Variants in SGSM1 observed in about 807,000 individuals in gnomAD.
The protein encoded by SGSM1 is RUN and TBC1 domain containing 2.
Under a neutral mutation model 133.8 loss-of-function variants are expected in SGSM1, and 73 were observed. The observed-to-expected ratio is 0.55, with a 90% confidence interval of 0.45 to 0.66. The LOEUF is 0.66. Among genes scored for constraint, SGSM1 ranks in the 30% least tolerant of loss-of-function variants. The pLI is 0.00. For synonymous variants in SGSM1, 563 were observed against 573.0 expected (o/e 0.98, Z 0.25); for missense variants, 1,213 against 1,448.1 (o/e 0.84, Z 2.64).
At chr22:24,881,600 C>CAAAAAAAAA (rs1425127231) in intron 14 of SGSM1, among the ~76,000 whole-genome samples, 19 of 150,534 alleles carry the variant, frequency 1.3e-4, no homozygotes, top group South Asian at 1.0e-3. Flanking sequence ...ACAAAAAAAA[C>CAAAAAAAAA]CAGCAACAAC....
At position 24,888,043 on chromosome 22, in the gene SGSM1, G is replaced by A. The variant is rs370182263; in HGVS notation, c.1770+1315G>A. ...CTTTTGTCCACCTTCTAATTGGATT[G>A]TTTGGTTTTTTTTCCTGTGGAGTTG... On this transcript the variant is annotated intron_variant, in intron 16 of 24. Coordinates refer to ENST00000400358, the MANE Select transcript of SGSM1 (RefSeq NM_001098497.3). Among the ~76,000 whole-genome samples, 255 of 152,196 alleles carry A rather than the reference G, an allele frequency of 1.7e-3. 1 individual carries two copies. Among genetic ancestry groups the A allele is most frequent in the African/African-American group, 6.1e-3 (253 of 41,532 alleles).
chr22:24,894,978 C>CTCTA (rs1355308693), intron 17 of SGSM1, among the ~76,000 whole-genome samples: 1 of 152,164 alleles, frequency 6.6e-6, no homozygotes, highest in Non-Finnish European at 1.5e-5. Flanking sequence ...AGGTGGGGTG[C>CTCTA]TCTAGTTGCA....
At position 24,900,340 on chromosome 22, in the gene SGSM1, C is replaced by CTTCTTTCTTTCTTTCTTTCT. The variant is rs201367603; in HGVS notation, c.2611-1444_2611-1425dup. On this transcript the variant is annotated intron_variant, in intron 19 of 24. Coordinates refer to ENST00000400358, the MANE Select transcript of SGSM1 (RefSeq NM_001098497.3). Reference sequence around the variant, plus strand: ...CAGCTTTTGTTCTTATTGTTAACCTCTTCTTTCTTTCTTTCTTTCTTTCTT... The same window carrying CTTCTTTCTTTCTTTCTTTCT: ...CAGCTTTTGTTCTTATTGTTAACCTCTTCTTTCTTTCTTTCTTTCTTTCTTTCTTTCTTTCTTTCTTTCTT... Among the ~76,000 whole-genome samples, 316 of 126,090 alleles carry CTTCTTTCTTTCTTTCTTTCT rather than the reference C, an allele frequency of 2.5e-3. 4 individuals carry two copies. Among genetic ancestry groups the CTTCTTTCTTTCTTTCTTTCT allele is most frequent in the African/African-American group, 4.3e-3 (126 of 29,544 alleles). 82.7% of individuals were successfully genotyped at this position (126,090 alleles called of 152,430 possible). A position where few individuals can be genotyped will look rare whatever the true frequency, so the allele number is the denominator to read the frequency against.
At chr22:24,906,447 A>G (rs1307882003) in intron 21 of SGSM1, among the ~76,000 whole-genome samples, 2 of 152,226 alleles carry the variant, frequency 1.3e-5, no homozygotes, top group Non-Finnish European at 2.9e-5. Flanking sequence ...AAGTAAAACT[A>G]TCTTTGTTCA....
chr22:24,848,881 G>A lies in SGSM1; in HGVS notation c.302+1085G>A, dbSNP rs541750136. ...CCTGCCTGCCCAGGGCTGCTGGCCA[G>A]AACGGTATGGTGGTCAGAGCTCAGG... On this transcript the variant is annotated intron_variant, in intron 4 of 24. Coordinates refer to ENST00000400358, the MANE Select transcript of SGSM1 (RefSeq NM_001098497.3). Among the ~76,000 whole-genome samples, 3 of 152,342 alleles carry A rather than the reference G, an allele frequency of 2.0e-5. No homozygotes were observed. In the South Asian group the frequency reaches 6.2e-4, roughly 32 times the overall value.
intron 2 of SGSM1, among the ~76,000 whole-genome samples, chr22:24,810,667 G>A (rs1331015774): frequency 6.6e-6 from 1 of 152,160 alleles, no homozygotes; most frequent in Non-Finnish European, 1.5e-5. Flanking sequence ...AGGGGCTGGT[G>A]GGAGGCAGAT....
intron 2 of SGSM1, among the ~76,000 whole-genome samples, chr22:24,837,391 T>G (rs1005091648): frequency 4.6e-5 from 7 of 152,164 alleles, no homozygotes; most frequent in Non-Finnish European, 1.0e-4. Context: ...ACTACTGCTA[T>G]CTAGAAGGCA....
At chr22:24,891,533 G>T (rs778207812) in intron 16 of SGSM1, among the ~76,000 whole-genome samples, 3 of 152,188 alleles carry the variant, frequency 2.0e-5, no homozygotes, top group Non-Finnish European at 4.4e-5. Flanking sequence ...AATGTCTGAA[G>T]TTCATCTCAG....
chr22:24,893,704 G>A, intron 17 of SGSM1, 91 bp downstream of exon 17: 1 of 1,330,558 alleles, frequency 7.5e-7, no homozygotes, highest in East Asian at 2.8e-5. Context: ...AAGACTGGGT[G>A]TCTGGGGCCT....
At chr22:24,909,436 TTTA>T (rs1329787123) in intron 21 of SGSM1, among the ~76,000 whole-genome samples, 2 of 150,370 alleles carry the variant, frequency 1.3e-5, no homozygotes, top group Non-Finnish European at 3.0e-5. Flanking sequence ...GTTTGGCCAC[TTTA>T]TTATTTATTT....
chr22:24,838,585 A>G (rs897762091), intron 2 of SGSM1, among the ~76,000 whole-genome samples: 1 of 152,152 alleles, frequency 6.6e-6, no homozygotes, highest in Non-Finnish European at 1.5e-5. Flanking sequence ...GTCAATTTCT[A>G]TGTTTATCAA....
chr22:24,852,944 C>T (rs1475541550), intron 5 of SGSM1, among the ~76,000 whole-genome samples: 1 of 152,100 alleles, frequency 6.6e-6, no homozygotes, highest in East Asian at 1.9e-4. Flanking sequence ...CTGGCTCATA[C>T]GATATTCCAG....
At chr22:24,905,400 C>G (rs1329517669) in intron 21 of SGSM1, among the ~76,000 whole-genome samples, 5 of 152,146 alleles carry the variant, frequency 3.3e-5, no homozygotes, top group Admixed American at 3.3e-4. Flanking sequence ...CCTTTGCTAA[C>G]CACTGATTAT....
At chr22:24,877,799 TTTC>T (rs1932099002) in intron 13 of SGSM1, among the ~76,000 whole-genome samples, 2 of 131,414 alleles carry the variant, frequency 1.5e-5, no homozygotes, top group African/African-American at 5.8e-5. Context: ...AGATTCTTTC[TTTC>T]TTTTTTTTTT....
At chr22:24,918,427 C>T (rs144409499) in intron 23 of SGSM1, among the ~76,000 whole-genome samples, 3,122 of 148,354 alleles carry the variant, frequency 0.021, 112 homozygotes, top group African/African-American at 0.074. Context: ...TCCTGGGAGG[C>T]GGAGGTTGCA....
intron 23 of SGSM1, among the ~76,000 whole-genome samples, chr22:24,918,582 T>G (rs1270209098): frequency 6.6e-6 from 1 of 152,094 alleles, no homozygotes; most frequent in African/African-American, 2.4e-5. Context: ...TCTTTAGTCT[T>G]TTTCTGTTAT....
At chr22:24,832,243 A>C (rs5996768) in intron 2 of SGSM1, among the ~76,000 whole-genome samples, 5,441 of 148,136 alleles carry the variant, frequency 0.037, 338 homozygotes, top group African/African-American at 0.13. Flanking sequence ...CTAGTAACCA[A>C]CATCCCTGAT....
intron 16 of SGSM1, among the ~76,000 whole-genome samples, chr22:24,888,348 T>C (rs1316296621): frequency 6.6e-6 from 1 of 152,138 alleles, no homozygotes; most frequent in Non-Finnish European, 1.5e-5. Flanking sequence ...TCTTTTGAGT[T>C]TTTTTTTCTT....
At chr22:24,882,972 A>G (rs1348133471) in intron 14 of SGSM1, among the ~76,000 whole-genome samples, 1 of 149,506 alleles carries the variant, frequency 6.7e-6, no homozygotes, top group Non-Finnish European at 1.5e-5. Context: ...ATCTCAGCTC[A>G]CTGCAAGCTC....
Sources: allele counts gnomAD v4.1 joint callset (sites outside exome capture counted in the v4.1 genomes callset), GRCh38; gene constraint gnomAD v4.1.1; transcripts MANE v1.5; gene names NCBI Gene and HGNC (gene_info 2026-07-23, HGNC 2026-07-21).